EBF3: variants seen among roughly 807,000 people sequenced by gnomAD.
EBF3 encodes the protein transcription factor COE3.
In EBF3, 18 loss-of-function variants were observed where a neutral mutation model predicts 77.1. That is an observed-to-expected ratio of 0.23 (90% confidence interval 0.16 to 0.35). The LOEUF (loss-of-function observed/expected upper bound fraction) is 0.35, where lower values mean the gene tolerates loss of function less well. Ranked by LOEUF, EBF3 falls within the 10% of genes least tolerant of loss-of-function variation. The probability of loss-of-function intolerance (pLI) is 1.00; values close to 1 mark genes in which losing one functional copy is unlikely to be tolerated. For synonymous variants in EBF3, 350 were observed against 343.5 expected, an observed-to-expected ratio of 1.02 and a Z score of -0.21; for missense variants, 558 against 860.0, an observed-to-expected ratio of 0.65 and a Z score of 4.39.
chr10:129,942,388 G>A (rs1050351697), intron 6 of EBF3, among the ~76,000 whole-genome samples: 5 of 152,302 alleles, frequency 3.3e-5, no homozygotes, highest in East Asian at 3.9e-4. Flanking sequence ...GAATACTGAC[G>A]CTGGGGGAAA....
At chr10:129,877,911 T>TA in intron 6 of EBF3, 62 bp from the exon 7 acceptor site, 1 of 1,347,676 alleles carries the variant, frequency 7.4e-7, no homozygotes. Context: ...TCAAACTTTT[T>TA]AAAAGACACT....
chr10:129,892,259 C>T (rs1052644715), intron 6 of EBF3, among the ~76,000 whole-genome samples: 3 of 152,218 alleles, frequency 2.0e-5, no homozygotes, highest in African/African-American at 7.2e-5. Context: ...TGCTGGGGTG[C>T]CCCCAAGGAA....
rs72837149 is a variant in EBF3, at chr10:129,870,550, C to G, written c.782-2638G>C. On this transcript the variant is annotated intron_variant, in intron 8 of 16. Coordinates refer to ENST00000440978, the MANE Select transcript of EBF3 (RefSeq NM_001375380.1). This position sits in a 1 kb window ranked among gnomAD's most constrained non-coding sequence, Gnocchi z 4.4. The stretch of plus-strand genomic sequence containing the variant: ...AAGGAGGCGTGGCGAGTCTCCCCTG[C>G]GGATCTGACATGCGCCACCATGACC... Among the ~76,000 whole-genome samples, 12 of 152,254 alleles carry G rather than the reference C, an allele frequency of 7.9e-5. No individual in the cohort carries two copies. The highest frequency in any genetic ancestry group is 2.9e-4 in the African/African-American group (12 of 41,556).
intron 6 of EBF3, among the ~76,000 whole-genome samples, chr10:129,948,684 A>T (rs1459166043): frequency 6.6e-6 from 1 of 152,100 alleles, no homozygotes; most frequent in Non-Finnish European, 1.5e-5. Context: ...TTTTCTGTAA[A>T]CCTAACACTG....
At chr10:129,929,109 ACT>A (rs1856846498) in intron 6 of EBF3, among the ~76,000 whole-genome samples, 1 of 152,116 alleles carries the variant, frequency 6.6e-6, no homozygotes, top group Non-Finnish European at 1.5e-5. Context: ...TGTAGCATAA[ACT>A]CAGCCAGAGT....
intron 10 of EBF3, among the ~76,000 whole-genome samples, chr10:129,857,971 G>A (rs756888499): frequency 2.6e-5 from 4 of 152,210 alleles, no homozygotes; most frequent in Non-Finnish European, 4.4e-5. Context: ...GATCATTCCC[G>A]CCAGCTGGCA....
rs10530522 is a variant in EBF3, at chr10:129,846,108, T to TTGTGTGTGTGTGTG, written c.1128+2270_1128+2283dup. Among the ~76,000 whole-genome samples, 239 of 139,690 alleles carry TTGTGTGTGTGTGTG rather than the reference T, an allele frequency of 1.7e-3. 1 individual carries two copies. The highest frequency in any genetic ancestry group is 3.6e-3 in the Middle Eastern group (1 of 278). 91.6% of individuals were successfully genotyped at this position (139,690 alleles called of 152,430 possible). ...ATTGCCTTTATTTTCATTCTGGGCT[T>TTGTGTGTGTGTGTG]TGTGTGTGTGTGTGTGTGTGTGTGT... On this transcript the variant is annotated intron_variant, in intron 11 of 16. Transcript: ENST00000440978.
In EBF3 at chr10:129,867,154, G is replaced by A. The variant is rs756336884; in HGVS notation, c.1026C>T (p.Arg342=). ...SKQFCKGAPG[R]FVYTALNEPT... Reference sequence around the variant, plus strand: ...CTGTGAACTCACCGGTGTAGACAAAGCGCCCAGGAGCACCTTTGCAGAACT... The same window carrying A: ...CTGTGAACTCACCGGTGTAGACAAAACGCCCAGGAGCACCTTTGCAGAACT... Residue 342 remains arginine, a synonymous_variant, in exon 10 of 17, where the codon CGC becomes CGT. Transcript: ENST00000440978. 53 of 1,613,840 alleles carry A rather than the reference G, an allele frequency of 3.3e-5. No homozygotes were observed. The highest frequency in any genetic ancestry group is 4.2e-5 in the Non-Finnish European group (50 of 1,179,930).
chr10:129,899,767 C>T (rs1000685349), intron 6 of EBF3, among the ~76,000 whole-genome samples: 1 of 152,138 alleles, frequency 6.6e-6, no homozygotes, highest in Non-Finnish European at 1.5e-5. Flanking sequence ...TGCTGGAACC[C>T]GGCCCTGCAT....
At chr10:129,942,868 T>C (rs115764628) in intron 6 of EBF3, among the ~76,000 whole-genome samples, 2,715 of 152,246 alleles carry the variant, frequency 0.018, 89 homozygotes, top group African/African-American at 0.06. Context: ...GGGACAGAAA[T>C]TTTCTGTGCA....
rs113979183 is a variant in EBF3 at position 129,837,783 on chromosome 10, T to C, written c.*160A>G. 2,815 of 891,296 alleles carry C rather than the reference T, an allele frequency of 3.2e-3. 17 individuals are homozygous for C. Among genetic ancestry groups the C allele is most frequent in the Non-Finnish European group, 4.5e-3 (2,589 of 578,668 alleles). 55.2% of individuals were successfully genotyped at this position (891,296 alleles called of 1,614,324 possible). On this transcript the variant is annotated 3_prime_UTR_variant, in exon 17 of 17. Transcript: ENST00000440978. ...TTGATTCTTAATAGTTTAAATAAAA[T>C]CTTTAAACAAAGTCTTTTGTAGCAT...
intron 6 of EBF3, among the ~76,000 whole-genome samples, chr10:129,945,115 GGAGGTGAAGGGAGGGGCA>G (rs1564914661): frequency 1.5e-5 from 1 of 66,672 alleles, no homozygotes; most frequent in African/African-American, 5.9e-5. Flanking sequence ...GGAAGGGGGG[GGAGGTGAAGGGAGGGGCA>G]GGGAGGGGAG....
At chr10:129,934,089 C>T (rs1857201092) in intron 6 of EBF3, among the ~76,000 whole-genome samples, 1 of 152,190 alleles carries the variant, frequency 6.6e-6, no homozygotes, top group Non-Finnish European at 1.5e-5. Flanking sequence ...CCAAAATTCA[C>T]ATTTAGCTGA....
intron 6 of EBF3, among the ~76,000 whole-genome samples, chr10:129,883,266 GC>G (rs1187576568): frequency 6.6e-6 from 1 of 152,152 alleles, no homozygotes; most frequent in African/African-American, 2.4e-5. Context: ...CTAGGTGCGC[GC>G]CTACCCCCAC....
intron 6 of EBF3, among the ~76,000 whole-genome samples, chr10:129,888,354 G>A (rs1446495460): frequency 6.6e-6 from 1 of 152,234 alleles, no homozygotes; most frequent in East Asian, 1.9e-4. Flanking sequence ...GTAGACTCCT[G>A]ATGGGGGCAG....
At chr10:129,913,979 C>T (rs914820690) in intron 6 of EBF3, among the ~76,000 whole-genome samples, 4 of 152,386 alleles carry the variant, frequency 2.6e-5, no homozygotes, top group Admixed American at 6.5e-5. Context: ...CATGGTCTCT[C>T]GTCCTACCTG....
At position 129,944,048 on chromosome 10, in the gene EBF3, T is replaced by C. The variant is rs1857997161; in HGVS notation, c.554+13210A>G. 6.6e-6 allele frequency among the ~76,000 whole-genome samples: 1 copy of C among 152,244 alleles called. No individual in the cohort carries two copies. The highest frequency in any genetic ancestry group is 1.5e-5 in the Non-Finnish European group (1 of 68,044). On this transcript the variant is annotated intron_variant, in intron 6 of 16. Coordinates refer to ENST00000440978, the MANE Select transcript of EBF3 (RefSeq NM_001375380.1). This position sits in a 1 kb window ranked among gnomAD's most constrained non-coding sequence, Gnocchi z 5.1. ...TAGTGTTATGTTATTATCGCCTTTA[T>C]GTTTTAATCCATTTTTTACACCGTG...
chr10:129,841,875 C>T lies in EBF3; in HGVS notation c.1372+241G>A, dbSNP rs565954154. The stretch of plus-strand genomic sequence containing the variant: ...AAACTTCTAGCAAATACCAGTGACC[C>T]GCATGGCATCCATTGGAGCTGCCGT... On this transcript the variant is annotated intron_variant, in intron 13 of 16. Coordinates refer to ENST00000440978, the MANE Select transcript of EBF3 (RefSeq NM_001375380.1). This position sits in a 1 kb window ranked among gnomAD's most constrained non-coding sequence, Gnocchi z 4.6. Among the ~76,000 whole-genome samples the T allele has an allele frequency of 2.6e-5, 4 of 152,308 alleles. No individual in the cohort carries two copies. Among genetic ancestry groups the T allele is most frequent in the South Asian group, 4.1e-4 (2 of 4,822 alleles).
intron 7 of EBF3, among the ~76,000 whole-genome samples, chr10:129,877,426 A>G (rs1442239629): frequency 2.8e-5 from 4 of 143,716 alleles, no homozygotes; most frequent in Non-Finnish European, 6.0e-5. Flanking sequence ...GGTTGTAGTG[A>G]GCCAAGATCG....
Sources: allele counts gnomAD v4.1 joint callset (sites outside exome capture counted in the v4.1 genomes callset), GRCh38; gene constraint gnomAD v4.1.1; non-coding constraint Gnocchi (gnomAD v3.1); transcripts MANE v1.5; gene names NCBI Gene and HGNC (gene_info 2026-07-23, HGNC 2026-07-21).